Variants in PLCB1 observed in about 807,000 individuals in gnomAD.
PLCB1 encodes 1-phosphatidylinositol 4,5-bisphosphate phosphodiesterase beta-1.
In PLCB1, 46 loss-of-function variants were observed where a neutral mutation model predicts 161.8. The observed-to-expected ratio is 0.28, with a 90% CI of 0.22 to 0.36. The LOEUF (loss-of-function observed/expected upper bound fraction) is 0.36. PLCB1 is among the 10% of genes least tolerant of loss of function. PLCB1 has a pLI of 1.00. For synonymous variants in PLCB1, 517 were observed against 503.7 expected, an observed-to-expected ratio of 1.03 and a Z score of -0.35; for missense variants, 1,016 against 1,472.5, an observed-to-expected ratio of 0.69 and a Z score of 5.07.
intron 2 of PLCB1, among the ~76,000 whole-genome samples, chr20:8,217,997 A>G (rs923915808): frequency 6.6e-6 from 1 of 152,164 alleles, no homozygotes; most frequent in Non-Finnish European, 1.5e-5. Context: ...AACTCTGTTT[A>G]TTATAAATTA....
At chr20:8,826,497 A>G (rs974784363) in intron 31 of PLCB1, among the ~76,000 whole-genome samples, 2 of 148,718 alleles carry the variant, frequency 1.3e-5, no homozygotes, top group African/African-American at 4.9e-5. Context: ...CTCCGTCTCA[A>G]AAAAAAAAAA....
At chr20:8,633,229 A>G (rs1221332776) in intron 4 of PLCB1, among the ~76,000 whole-genome samples, 1 of 152,124 alleles carries the variant, frequency 6.6e-6, no homozygotes, top group Non-Finnish European at 1.5e-5. Flanking sequence ...ATCAAAGACG[A>G]TGTTAAAGTT....
At chr20:8,713,203 T>G (rs1259542360) in intron 12 of PLCB1, among the ~76,000 whole-genome samples, 1 of 152,146 alleles carries the variant, frequency 6.6e-6, no homozygotes, top group East Asian at 1.9e-4. Context: ...TGTTTGTTTG[T>G]TTGGTTTGAG....
intron 3 of PLCB1, among the ~76,000 whole-genome samples, chr20:8,470,149 T>G (rs1981989104): frequency 6.6e-6 from 1 of 152,204 alleles, no homozygotes; most frequent in South Asian, 2.1e-4. Context: ...TGAATGAATA[T>G]GCCACATTTT....
chr20:8,151,933 A>C (rs185875865), intron 2 of PLCB1, among the ~76,000 whole-genome samples: 7 of 152,298 alleles, frequency 4.6e-5, no homozygotes, highest in East Asian at 1.9e-4. Flanking sequence ...CTTAATAAAG[A>C]AAAAGGGTTT....
chr20:8,307,365 A>G (rs1984178087), intron 2 of PLCB1, among the ~76,000 whole-genome samples: 1 of 152,154 alleles, frequency 6.6e-6, no homozygotes, highest in South Asian at 2.1e-4. Flanking sequence ...TGGATACTGA[A>G]CCTACAGAGG....
At chr20:8,586,360 T>C (rs1638284370) in intron 3 of PLCB1, among the ~76,000 whole-genome samples, 1 of 152,260 alleles carries the variant, frequency 6.6e-6, no homozygotes, top group East Asian at 1.9e-4. Context: ...ATTATGGTTT[T>C]TTTTTTTGCC....
At chr20:8,180,093 C>T (rs1032191868) in intron 2 of PLCB1, among the ~76,000 whole-genome samples, 5 of 151,780 alleles carry the variant, frequency 3.3e-5, no homozygotes, top group Admixed American at 1.3e-4. Context: ...CTCCTGACCT[C>T]GTGATCCGCC....
In PLCB1 at chr20:8,678,945, A is replaced by G. The variant is rs1475315081; in HGVS notation, c.863-5987A>G. Reference sequence around the variant, plus strand: ...GCAACTCCAAACTCTTTCGTGTTATATGCACTAAGAACTACACTAAATGAA... The same window carrying G: ...GCAACTCCAAACTCTTTCGTGTTATGTGCACTAAGAACTACACTAAATGAA... On this transcript the variant is annotated intron_variant, in intron 9 of 31. Coordinates refer to ENST00000338037, the MANE Select transcript of PLCB1 (RefSeq NM_015192.4). Among the ~76,000 whole-genome samples the G allele has an allele frequency of 2.6e-5, 4 of 152,194 alleles. No homozygotes were observed. In the East Asian group the frequency reaches 7.7e-4, roughly 29 times the overall value.
intron 31 of PLCB1, chr20:8,801,948 T>G: frequency 1.3e-6 from 1 of 751,910 alleles, no homozygotes; most frequent in Non-Finnish European, 2.4e-6. Flanking sequence ...AACTGTACTC[T>G]AGAAGGCACT....
At chr20:8,365,861 C>T (rs932490731) in intron 2 of PLCB1, among the ~76,000 whole-genome samples, 2 of 152,042 alleles carry the variant, frequency 1.3e-5, no homozygotes, top group Non-Finnish European at 2.9e-5. Context: ...ACTGTGTGAA[C>T]CTGAAACACA....
intron 2 of PLCB1, among the ~76,000 whole-genome samples, chr20:8,155,234 C>T (rs2051546936): frequency 6.6e-6 from 1 of 152,076 alleles, no homozygotes; most frequent in South Asian, 2.1e-4. Context: ...TTTTTGTTTA[C>T]CCGTGATCCT....
chr20:8,485,122 G>T (rs1032771546), intron 3 of PLCB1, among the ~76,000 whole-genome samples: 2 of 152,220 alleles, frequency 1.3e-5, no homozygotes, highest in Non-Finnish European at 2.9e-5. Flanking sequence ...AGCTGGTACA[G>T]TGAGAAAACT....
chr20:8,645,852 T>C, intron 4 of PLCB1, among the ~76,000 whole-genome samples: 1 of 152,340 alleles, frequency 6.6e-6, no homozygotes, highest in Non-Finnish European at 1.5e-5. Flanking sequence ...ATTTTCTATT[T>C]ATACAAATTT....
chr20:8,440,240 G>A (rs1026126185), intron 3 of PLCB1, among the ~76,000 whole-genome samples: 1 of 152,110 alleles, frequency 6.6e-6, no homozygotes, highest in African/African-American at 2.4e-5. Flanking sequence ...TCTAAGGCTG[G>A]AAAATCATTT....
intron 3 of PLCB1, among the ~76,000 whole-genome samples, chr20:8,538,171 A>G (rs1014587484): frequency 6.6e-6 from 1 of 152,250 alleles, no homozygotes; most frequent in African/African-American, 2.4e-5. Context: ...GTGATTAATC[A>G]GCAAATAGTC....
At chr20:8,516,446 C>G (rs1383242466) in intron 3 of PLCB1, among the ~76,000 whole-genome samples, 1 of 152,002 alleles carries the variant, frequency 6.6e-6, no homozygotes, top group Non-Finnish European at 1.5e-5. Flanking sequence ...AGTGTCATCT[C>G]CTATGGAAGT....
intron 31 of PLCB1, chr20:8,792,678 T>C (rs929945661): frequency 4.3e-6 from 2 of 469,958 alleles, no homozygotes; most frequent in Admixed American, 2.4e-5. Flanking sequence ...CCATGAAGAT[T>C]GTTGGTTCCA....
At chr20:8,735,263 G>A (rs993823228) in intron 19 of PLCB1, among the ~76,000 whole-genome samples, 1 of 151,848 alleles carries the variant, frequency 6.6e-6, no homozygotes, top group African/African-American at 2.4e-5. Flanking sequence ...TTCTTTTTTT[G>A]TCTTGAAAAT....
Sources: allele counts gnomAD v4.1 joint callset (sites outside exome capture counted in the v4.1 genomes callset), GRCh38; gene constraint gnomAD v4.1.1; transcripts MANE v1.5; gene names NCBI Gene and HGNC (gene_info 2026-07-23, HGNC 2026-07-21).